Variants in NTM observed in about 807,000 individuals in gnomAD.
NTM encodes IgLON family member 2.
NTM carries 13 observed loss-of-function variants against 42.1 expected under a neutral mutation model. That is an observed-to-expected ratio of 0.31 (90% confidence interval 0.20 to 0.49). NTM has a LOEUF of 0.49. Among genes scored for constraint, NTM ranks in the 20% least tolerant of loss-of-function variants. The probability of loss-of-function intolerance (pLI) is 0.99; values close to 1 mark genes in which losing one functional copy is unlikely to be tolerated. For synonymous variants in NTM, 187 were observed against 179.2 expected, an observed-to-expected ratio of 1.04 and a Z score of -0.35; for missense variants, 373 against 452.8, an observed-to-expected ratio of 0.82 and a Z score of 1.60.
chr11:131,866,818 C>T (rs1418882562), intron 1 of NTM, among the ~76,000 whole-genome samples: 4 of 152,120 alleles, frequency 2.6e-5, no homozygotes, highest in South Asian at 2.1e-4. Context: ...ACTACAATGT[C>T]GTGATTTTTT....
rs4491237 is a variant in NTM at position 132,102,293 on chromosome 11, G to A, written c.168-43989G>A. 6.5e-3 allele frequency among the ~76,000 whole-genome samples: 996 copies of A among 152,246 alleles called. 9 individuals carry two copies. The highest frequency in any genetic ancestry group is 0.021 in the African/African-American group (893 of 41,536). On this transcript the variant is annotated intron_variant, in intron 2 of 8. Transcript: ENST00000683400. ...TATACTAGAGAATAAACCTGAAGGG[G>A]ACAGGGGCTACGTGGTTTTTCGTTC...
chr11:131,801,969 A>G (rs1452769338), intron 1 of NTM, among the ~76,000 whole-genome samples: 1 of 151,996 alleles, frequency 6.6e-6, no homozygotes, highest in African/African-American at 2.4e-5. Flanking sequence ...CCCCTCAAGA[A>G]TTCATTCTGA....
intron 2 of NTM, among the ~76,000 whole-genome samples, chr11:131,942,887 G>T (rs559361392): frequency 6.6e-6 from 1 of 151,820 alleles, no homozygotes; most frequent in South Asian, 2.1e-4. Context: ...TGGAGGTTGT[G>T]GTGGGCCGAG....
At chr11:132,326,847 A>G (rs1210229721) in intron 7 of NTM, among the ~76,000 whole-genome samples, 8 of 152,206 alleles carry the variant, frequency 5.3e-5, no homozygotes, top group Non-Finnish European at 5.9e-5. Context: ...GTATTTTCTC[A>G]GGAAATACGC....
chr11:131,445,899 T>C (rs1950020745), intron 1 of NTM, among the ~76,000 whole-genome samples: 2 of 152,174 alleles, frequency 1.3e-5, no homozygotes, highest in Admixed American at 1.3e-4. Flanking sequence ...TGACATACTG[T>C]CTATGGCTGC....
intron 1 of NTM, among the ~76,000 whole-genome samples, chr11:131,694,361 G>A (rs1344151566): frequency 6.6e-6 from 1 of 152,210 alleles, no homozygotes; most frequent in African/African-American, 2.4e-5. Flanking sequence ...GGGCAGCACT[G>A]TATTCTGTCT....
intron 1 of NTM, among the ~76,000 whole-genome samples, chr11:131,687,306 TG>T (rs1484950710): frequency 2.6e-4 from 39 of 152,326 alleles, no homozygotes; most frequent in African/African-American, 9.1e-4. Context: ...CCACCCCAGT[TG>T]CTTGAATGTG....
At chr11:131,466,055 C>G (rs1951852029) in intron 1 of NTM, among the ~76,000 whole-genome samples, 1 of 152,202 alleles carries the variant, frequency 6.6e-6, no homozygotes. Context: ...AGCTTTTGCC[C>G]AAAGCCATCA....
chr11:132,016,317 G>T (rs1214144372), intron 2 of NTM, among the ~76,000 whole-genome samples: 1 of 151,826 alleles, frequency 6.6e-6, no homozygotes, highest in Non-Finnish European at 1.5e-5. Context: ...ACCCCAGAAA[G>T]TTCCCTTGTG....
At chr11:131,896,464 A>C (rs2137610339) in intron 1 of NTM, among the ~76,000 whole-genome samples, 1 of 152,322 alleles carries the variant, frequency 6.6e-6, no homozygotes, top group East Asian at 1.9e-4. Flanking sequence ...ACCTGCTACA[A>C]GGATGTAGAA....
At chr11:132,317,373 T>G (rs1051525815) in intron 7 of NTM, among the ~76,000 whole-genome samples, 3 of 152,198 alleles carry the variant, frequency 2.0e-5, no homozygotes, top group African/African-American at 7.2e-5. Flanking sequence ...TGGCTCAGCA[T>G]GAGCTAAGAG....
intron 4 of NTM, among the ~76,000 whole-genome samples, chr11:132,287,120 A>C (rs1446588327): frequency 6.6e-6 from 1 of 152,204 alleles, no homozygotes; most frequent in Non-Finnish European, 1.5e-5. Flanking sequence ...TCTGATGCTC[A>C]TCCATCATCC....
At chr11:131,499,754 A>G (rs1565567973) in intron 1 of NTM, among the ~76,000 whole-genome samples, 1 of 152,148 alleles carries the variant, frequency 6.6e-6, no homozygotes, top group Non-Finnish European at 1.5e-5. Context: ...TCTGCATCAG[A>G]GCAAAAAAAT....
At chr11:131,795,865 A>G in intron 1 of NTM, 1 of 984,518 alleles carries the variant, frequency 1.0e-6, no homozygotes, top group Non-Finnish European at 1.2e-6. Flanking sequence ...GTGCTCCTGA[A>G]CCATAGAGAC....
chr11:132,178,401 A>G (rs1228243003), intron 3 of NTM, among the ~76,000 whole-genome samples: 1 of 152,226 alleles, frequency 6.6e-6, no homozygotes, highest in Non-Finnish European at 1.5e-5. Context: ...AGGAGGCTTA[A>G]AAAGAAATTT....
chr11:131,910,179 AG>A (rs1303712182), intron 1 of NTM: 2 of 152,076 alleles, frequency 1.3e-5, no homozygotes, highest in African/African-American at 4.8e-5. Flanking sequence ...AATAACTATG[AG>A]GTTCTTCTAA....
At chr11:131,574,561 A>AGTGTGTGT (rs3040137) in intron 1 of NTM, among the ~76,000 whole-genome samples, 7 of 147,424 alleles carry the variant, frequency 4.7e-5, no homozygotes, top group East Asian at 2.0e-4. Context: ...TATGTGCTTG[A>AGTGTGTGT]GTGTGTGTGT....
chr11:132,218,410 C>G (rs762114720), intron 4 of NTM, among the ~76,000 whole-genome samples: 3 of 152,180 alleles, frequency 2.0e-5, no homozygotes, highest in Non-Finnish European at 4.4e-5. Flanking sequence ...TGCAATAATC[C>G]AAGAAGGGGC....
intron 1 of NTM, among the ~76,000 whole-genome samples, chr11:131,686,995 C>T (rs943509264): frequency 6.6e-6 from 1 of 152,146 alleles, no homozygotes; most frequent in South Asian, 2.1e-4. Flanking sequence ...GAGCCCAGGC[C>T]GCAGGGCCAC....
Sources: gnomAD v4.1 joint callset for allele counts (sites outside exome capture counted in the v4.1 genomes callset) on GRCh38, gnomAD v4.1.1 for gene constraint, MANE v1.5 for transcripts, NCBI Gene and HGNC (gene_info 2026-07-23, HGNC 2026-07-21) for gene names.